The following ADARB2 variants were observed in gnomAD, a reference collection of about 807,000 sequenced individuals.
ADARB2 encodes adenosine deaminase RNA specific B2 (inactive), also known as inactive double-stranded RNA-specific editase B2.
A neutral mutation model predicts 62.2 loss-of-function variants in ADARB2; 25 were observed. That is an observed-to-expected ratio of 0.40 (90% CI 0.29 to 0.56). The LOEUF (loss-of-function observed/expected upper bound fraction) is 0.56. Among genes scored for constraint, ADARB2 ranks in the 20% least tolerant of loss-of-function variants. The pLI is 0.43. For synonymous variants in ADARB2, 572 were observed against 500.8 expected (o/e 1.14, Z -1.90); for missense variants, 1,071 against 1,077.4 (o/e 0.99, Z 0.08).
Position 1,704,622 on chromosome 10 carries a change from G to GC in ADARB2, c.100+32428dup, listed in dbSNP as rs1424057810. 6.6e-6 allele frequency among the ~76,000 whole-genome samples: 1 copy of GC among 152,204 alleles called. No individual in the cohort carries two copies. Among genetic ancestry groups the GC allele is most frequent in the Non-Finnish European group, 1.5e-5 (1 of 68,038 alleles). On this transcript the variant is annotated intron_variant, in intron 1 of 9. Coordinates refer to ENST00000381312, the MANE Select transcript of ADARB2 (RefSeq NM_018702.4). The surrounding 1 kb of genome is among the most constrained non-coding windows in gnomAD (Gnocchi z 5.6). ...GGTCCTGGACCAGTACCAGTCCTTG[G>GC]CCCGGGGGCTGGAGACGTCTGAGTT...
At chr10:1,291,012 G>C (rs950529159) in intron 3 of ADARB2, 4 of 152,174 alleles carry the variant, frequency 2.6e-5, no homozygotes, top group African/African-American at 9.7e-5. Flanking sequence ...GCTGATTCAT[G>C]GTTATTTGCA....
intron 1 of ADARB2, among the ~76,000 whole-genome samples, chr10:1,417,752 G>C (rs11250502): frequency 0.014 from 2,173 of 152,294 alleles, 113 homozygotes; most frequent in East Asian, 0.12. Flanking sequence ...TCAGCGCCCT[G>C]CCTGGCCTGG....
intron 3 of ADARB2, among the ~76,000 whole-genome samples, chr10:1,319,375 G>A (rs1398659153): frequency 1.3e-5 from 2 of 152,136 alleles, no homozygotes; most frequent in Non-Finnish European, 2.9e-5. Flanking sequence ...GGGGGTGGGT[G>A]GAGAAGATCT....
chr10:1,229,364 G>C (rs1340213023), intron 6 of ADARB2, among the ~76,000 whole-genome samples: 1 of 152,150 alleles, frequency 6.6e-6, no homozygotes, highest in African/African-American at 2.4e-5. Context: ...TGGTCCTGCT[G>C]AGCTGTTGGA....
intron 1 of ADARB2, among the ~76,000 whole-genome samples, chr10:1,424,179 T>G (rs1832876193): frequency 6.6e-6 from 1 of 152,260 alleles, no homozygotes; most frequent in South Asian, 2.1e-4. Flanking sequence ...CCACTATGTA[T>G]GCAGTAGGTC....
intron 6 of ADARB2, among the ~76,000 whole-genome samples, chr10:1,232,410 ATGTG>A (rs998137281): frequency 7.0e-6 from 1 of 143,434 alleles, no homozygotes; most frequent in Admixed American, 6.9e-5. Flanking sequence ...TGCTTGTGGC[ATGTG>A]TGTGGTATAT....
chr10:1,471,784 T>C (rs1419567231), intron 1 of ADARB2, among the ~76,000 whole-genome samples: 1 of 152,242 alleles, frequency 6.6e-6, no homozygotes, highest in African/African-American at 2.4e-5. Flanking sequence ...TGATATTTGC[T>C]ACTTTATGTG....
At chr10:1,619,340 A>T (rs1037888428) in intron 1 of ADARB2, among the ~76,000 whole-genome samples, 5 of 152,200 alleles carry the variant, frequency 3.3e-5, no homozygotes, top group African/African-American at 1.2e-4. Context: ...TGACTCTAAA[A>T]AAACTACATT....
chr10:1,433,652 C>CA (rs1288146375), intron 1 of ADARB2, among the ~76,000 whole-genome samples: 1 of 152,104 alleles, frequency 6.6e-6, no homozygotes, highest in Non-Finnish European at 1.5e-5. Context: ...GTGTCTCTCC[C>CA]AGGCCCACCT....
At chr10:1,298,631 A>G (rs1392283131) in intron 3 of ADARB2, among the ~76,000 whole-genome samples, 3 of 151,228 alleles carry the variant, frequency 2.0e-5, no homozygotes, top group Non-Finnish European at 4.4e-5. Context: ...GAAGACACAT[A>G]CTGGGCTCAA....
chr10:1,525,826 C>T (rs1832133427), intron 1 of ADARB2, among the ~76,000 whole-genome samples: 1 of 151,208 alleles, frequency 6.6e-6, no homozygotes, highest in South Asian at 2.1e-4. Flanking sequence ...CGTGTGTGCG[C>T]ATGTGTATGT....
chr10:1,538,571 G>A (rs1012576688), intron 1 of ADARB2, among the ~76,000 whole-genome samples: 2 of 152,222 alleles, frequency 1.3e-5, no homozygotes, highest in African/African-American at 4.8e-5. Flanking sequence ...CAGACCTGCG[G>A]GAAGAGTGAG....
chr10:1,586,330 G>A (rs557041342), intron 1 of ADARB2, among the ~76,000 whole-genome samples: 30 of 152,242 alleles, frequency 2.0e-4, no homozygotes, highest in Non-Finnish European at 2.9e-4. Flanking sequence ...GCAGCAAAGG[G>A]TATTGGCTGA....
chr10:1,378,448 T>G (rs1832453095), intron 2 of ADARB2, among the ~76,000 whole-genome samples: 1 of 152,210 alleles, frequency 6.6e-6, no homozygotes, highest in Admixed American at 6.5e-5. Context: ...AGAAAACTGG[T>G]TAATTTCTTG....
At chr10:1,637,079 C>T (rs1187047965) in intron 1 of ADARB2, among the ~76,000 whole-genome samples, 1 of 152,026 alleles carries the variant, frequency 6.6e-6, no homozygotes, top group Non-Finnish European at 1.5e-5. Flanking sequence ...TTAAATCTTA[C>T]AGAATTAAAG....
intron 1 of ADARB2, among the ~76,000 whole-genome samples, chr10:1,469,812 AAG>A (rs1831298545): frequency 6.6e-6 from 1 of 152,222 alleles, no homozygotes; most frequent in African/African-American, 2.4e-5. Context: ...GAGATGGTAA[AAG>A]GGCTCCATGG....
intron 7 of ADARB2, among the ~76,000 whole-genome samples, chr10:1,209,859 T>C (rs1056134985): frequency 6.6e-6 from 1 of 152,216 alleles, no homozygotes; most frequent in Non-Finnish European, 1.5e-5. Flanking sequence ...TCAGATGATG[T>C]GTAAGGAAAT....
At chr10:1,712,161 G>A (rs550356892) in intron 1 of ADARB2, among the ~76,000 whole-genome samples, 5 of 152,206 alleles carry the variant, frequency 3.3e-5, no homozygotes, top group Admixed American at 1.3e-4. Flanking sequence ...TCTCAAATTC[G>A]TGCAGGAAAC....
chr10:1,618,555 T>TA (rs1487124339), intron 1 of ADARB2, among the ~76,000 whole-genome samples: 2 of 25,870 alleles, frequency 7.7e-5, no homozygotes, highest in African/African-American at 5.5e-4. Flanking sequence ...AAAAATCAGA[T>TA]TTTTTTTTGA....
Sources: allele counts gnomAD v4.1 joint callset (sites outside exome capture counted in the v4.1 genomes callset), GRCh38; gene constraint gnomAD v4.1.1; non-coding constraint Gnocchi (gnomAD v3.1); transcripts MANE v1.5; gene names NCBI Gene and HGNC (gene_info 2026-07-23, HGNC 2026-07-21).